TMPRSS3: variants seen among roughly 807,000 people sequenced by gnomAD.
TMPRSS3 encodes transmembrane serine protease 3.
A neutral mutation model predicts 59.6 loss-of-function variants in TMPRSS3; 55 were observed. The observed-to-expected ratio is 0.92, with a 90% CI of 0.74 to 1.16. The LOEUF is 1.16. Ranked by LOEUF, TMPRSS3 falls within the 50% of genes most tolerant of loss-of-function variation. TMPRSS3 has a pLI of 0.00. For synonymous variants in TMPRSS3, 257 were observed against 237.7 expected (o/e 1.08, Z -0.75); for missense variants, 596 against 579.4 (o/e 1.03, Z -0.29).
At chr21:42,395,258 G>T (rs928834103) in intron 2 of TMPRSS3, 66 bp downstream of exon 2, 1 of 1,359,582 alleles carries the variant, frequency 7.4e-7, no homozygotes, top group Non-Finnish European at 1.0e-6. Context: ...GGGACAGTCA[G>T]TCACATTGGT....
intron 5 of TMPRSS3, among the ~76,000 whole-genome samples, chr21:42,387,893 C>T (rs568586822): frequency 1.4e-4 from 21 of 152,314 alleles, no homozygotes; most frequent in Middle Eastern, 3.4e-3. Flanking sequence ...AGTGAATAGT[C>T]AACTGTTATA....
chr21:42,382,863 G>A, intron 8 of TMPRSS3, 170 bp downstream of exon 8: 1 of 775,072 alleles, frequency 1.3e-6, no homozygotes, highest in Non-Finnish European at 2.2e-6. Flanking sequence ...ACCCCCAGCT[G>A]ATGATGATGG....
At position 42,388,917 on chromosome 21, in the gene TMPRSS3, C is replaced by T; in HGVS notation, c.322+12G>A. On this transcript the variant is annotated intron_variant, in intron 4 of 12. Transcript: ENST00000644384. This position sits in a 1 kb window ranked among gnomAD's most constrained non-coding sequence, Gnocchi z 5.1. The stretch of plus-strand genomic sequence containing the variant: ...TCCTTCTGTTTCCCCAGGGGAAGAG[C>T]CATGACCTTACCACAGCGGTACTCG... 2 of 1,610,528 alleles carry T rather than the reference C, an allele frequency of 1.2e-6. No individual in the cohort carries two copies. The highest frequency in any genetic ancestry group is 1.7e-5 in the Admixed American group (1 of 60,022).
At chr21:42,383,239 C>T (rs376535077) in intron 7 of TMPRSS3, 41 bp from the exon 8 acceptor site, 58 of 1,609,368 alleles carry the variant, frequency 3.6e-5, no homozygotes, top group Non-Finnish European at 4.9e-5. Context: ...ACCCTGCAGA[C>T]TTCTTTGGGG....
At position 42,389,000 on chromosome 21, in the gene TMPRSS3, T is replaced by G; in HGVS notation, c.251A>C (p.Lys84Thr). 1.2e-6 allele frequency: 2 copies of G among 1,614,196 alleles called. No homozygotes were observed. The highest frequency in any genetic ancestry group is 1.7e-6 in the Non-Finnish European group (2 of 1,180,028). The change falls in exon 4 of 13, where the codon AAG (lysine) becomes ACG (threonine). Residue 84 changes from lysine (K) to threonine (T), a missense_variant. Coordinates refer to ENST00000644384, the MANE Select transcript of TMPRSS3 (RefSeq NM_001256317.3). This position sits in a 1 kb window ranked among gnomAD's most constrained non-coding sequence, Gnocchi z 5.1. ...SGKYRCRSSFKCIELIARCDG... is the reference protein window; with the variant it reads ...SGKYRCRSSFTCIELIARCDG... ...ACATCGAGCTATCAGCTCGATACAC[T>G]TAAAGGATGAGCGACATCTGTACTT...
chr21:42,388,269 T>G lies in TMPRSS3; in HGVS notation c.446+134A>C. On this transcript the variant is annotated intron_variant, in intron 5 of 12. Coordinates refer to ENST00000644384, the MANE Select transcript of TMPRSS3 (RefSeq NM_001256317.3). This position sits in a 1 kb window ranked among gnomAD's most constrained non-coding sequence, Gnocchi z 5.1. ...TGTGAAGTGAGGATGATATCGGGCATCCTAAGGTGGATGTGAGGATGTAAT... is the reference window on the plus strand; with the variant it reads ...TGTGAAGTGAGGATGATATCGGGCAGCCTAAGGTGGATGTGAGGATGTAAT... 8.1e-7 allele frequency: 1 copy of G among 1,240,916 alleles called. No homozygotes were observed. Among genetic ancestry groups the G allele is most frequent in the Non-Finnish European group, 1.2e-6 (1 of 860,034 alleles). 76.9% of individuals were successfully genotyped at this position (1,240,916 alleles called of 1,614,324 possible).
Position 42,382,149 on chromosome 21 carries a change from T to A in TMPRSS3, c.868A>T (p.Ile290Phe), listed in dbSNP as rs1301140693. 2 of 1,614,104 alleles carry A rather than the reference T, an allele frequency of 1.2e-6. No individual in the cohort carries two copies. The highest frequency in any genetic ancestry group is 3.3e-5 in the Admixed American group (2 of 60,022). Residue 290 changes from isoleucine to phenylalanine, a missense_variant, in exon 9 of 13, where the codon ATT (isoleucine) becomes TTT (phenylalanine). Transcript: ENST00000644384. ...GGCTTGTACTTGCTGTGGTAGACAA[T>A]CTTCTCCACCAAGTGGGATGGGGCT... ...NPAPSHLVEK[I>F]VYHSKYKPKR...
At chr21:42,395,628 G>T (rs921866554) in intron 1 of TMPRSS3, 160 bp from the exon 2 acceptor site, 37 of 498,828 alleles carry the variant, frequency 7.4e-5, no homozygotes, top group Non-Finnish European at 1.4e-4. Flanking sequence ...ATGCATTTTC[G>T]TCTGAGCTAC....
rs191536553 is a variant in TMPRSS3 at position 42,388,026 on chromosome 21, C to T, written c.446+377G>A. 7.9e-5 allele frequency among the ~76,000 whole-genome samples: 12 copies of T among 152,300 alleles called. No homozygotes were observed. Among genetic ancestry groups the T allele is most frequent in the Admixed American group, 2.6e-4 (4 of 15,302 alleles). Reference sequence around the variant, plus strand: ...AAGCGTGCATGGACATTGATGTGACCGCCAGGACCAAGCAGGAAAGTGTCC... The same window carrying T: ...AAGCGTGCATGGACATTGATGTGACTGCCAGGACCAAGCAGGAAAGTGTCC... On this transcript the variant is annotated intron_variant, in intron 5 of 12. Transcript: ENST00000644384. This position sits in a 1 kb window ranked among gnomAD's most constrained non-coding sequence, Gnocchi z 5.1.
chr21:42,375,397 G>A (rs928304682), intron 12 of TMPRSS3, among the ~76,000 whole-genome samples: 1 of 151,372 alleles, frequency 6.6e-6, no homozygotes, highest in Non-Finnish European at 1.5e-5. Flanking sequence ...TGGCACACGG[G>A]GCACGCCCGA....
At chr21:42,380,641 C>A (rs77689706) in intron 9 of TMPRSS3, among the ~76,000 whole-genome samples, 2 of 152,204 alleles carry the variant, frequency 1.3e-5, no homozygotes, top group African/African-American at 2.4e-5. Context: ...CTCAGGCCAA[C>A]GCGTGCCCAC....
chr21:42,372,476 C>T lies in TMPRSS3; in HGVS notation c.*286G>A. 1.7e-6 allele frequency: 1 copy of T among 587,696 alleles called. No homozygotes were observed. Among genetic ancestry groups the T allele is most frequent in the South Asian group, 1.5e-5 (1 of 65,656 alleles). The allele number at this position is 587,696 out of a possible 1,614,324, so 36.4% of individuals were successfully genotyped here. A position where few individuals can be genotyped will look rare whatever the true frequency, so the allele number is the denominator to read the frequency against. On this transcript the variant is annotated 3_prime_UTR_variant, in exon 13 of 13. Transcript: ENST00000644384. ...TGGGGAAGCTGAGGCAAGAGAATCGCTTGAACCAGGGAAGCGGAGGCTGCA... is the reference window on the plus strand; with the variant it reads ...TGGGGAAGCTGAGGCAAGAGAATCGTTTGAACCAGGGAAGCGGAGGCTGCA...
chr21:42,392,323 T>C (rs912454847), intron 2 of TMPRSS3, among the ~76,000 whole-genome samples: 1 of 152,096 alleles, frequency 6.6e-6, no homozygotes, highest in African/African-American at 2.4e-5. Context: ...AGACATGGAA[T>C]GCGAGGAGAA....
At position 42,395,925 on chromosome 21, in the gene TMPRSS3, G is replaced by C. The variant is rs765560449; in HGVS notation, c.-52+17C>G. On this transcript the variant is annotated intron_variant, in intron 1 of 12. Coordinates refer to ENST00000644384, the MANE Select transcript of TMPRSS3 (RefSeq NM_001256317.3). ...TGTGGTACACCTACCATAAGCATAAGTAGTTTCGGTACTCACATAATTCCC... is the reference window on the plus strand; with the variant it reads ...TGTGGTACACCTACCATAAGCATAACTAGTTTCGGTACTCACATAATTCCC... The C allele has an allele frequency of 1.9e-6, 1 of 518,770 alleles. No individual in the cohort carries two copies. 32.1% of individuals were successfully genotyped at this position (518,770 alleles called of 1,614,324 possible). A position where few individuals can be genotyped will look rare whatever the true frequency, so the allele number is the denominator to read the frequency against.
chr21:42,378,485 G>A (rs973946406), intron 10 of TMPRSS3, among the ~76,000 whole-genome samples: 1 of 152,108 alleles, frequency 6.6e-6, no homozygotes, highest in East Asian at 1.9e-4. Flanking sequence ...TAAATCCAAC[G>A]ACTTGCTGTC....
intron 5 of TMPRSS3, among the ~76,000 whole-genome samples, chr21:42,387,780 G>A (rs992121868): frequency 6.6e-6 from 1 of 152,326 alleles, no homozygotes; most frequent in East Asian, 1.9e-4. Flanking sequence ...GCGGCCGCAG[G>A]AAGTCAGAAG....
At chr21:42,395,669 CAAAAAAA>C (rs138713556) in intron 1 of TMPRSS3, 8,040 of 243,486 alleles carry the variant, frequency 0.033, 83 homozygotes, top group Non-Finnish European at 0.045. Flanking sequence ...CTAGAATTAG[CAAAAAAA>C]AAAAAAAAAA....
At position 42,389,138 on chromosome 21, in the gene TMPRSS3, C is replaced by T. The variant is rs2052690748; in HGVS notation, c.206-93G>A. The T allele has an allele frequency of 3.2e-6, 5 of 1,579,702 alleles. No homozygotes were observed. The Admixed American group carries it at 9.0e-5, about 28-fold the overall frequency. On this transcript the variant is annotated intron_variant, in intron 3 of 12. Transcript: ENST00000644384. ...CCCTGCCACACAGTGCGGAGCTGGC[C>T]CGTGAATAATGAAACCTGTATTGAA...
At chr21:42,376,158 G>A (rs2052424899) in intron 11 of TMPRSS3, among the ~76,000 whole-genome samples, 1 of 152,130 alleles carries the variant, frequency 6.6e-6, no homozygotes, top group South Asian at 2.1e-4. Flanking sequence ...TGAGAGGGAG[G>A]GTCCACCTGG....
Sources: gnomAD v4.1 joint callset for allele counts (sites outside exome capture counted in the v4.1 genomes callset) on GRCh38, gnomAD v4.1.1 for gene constraint, Gnocchi (gnomAD v3.1) non-coding constraint, MANE v1.5 for transcripts, NCBI Gene and HGNC (gene_info 2026-07-23, HGNC 2026-07-21) for gene names.